Variants in ZDHHC7 observed in about 807,000 individuals in gnomAD.
ZDHHC7 encodes the protein zDHHC palmitoyltransferase 7.
In ZDHHC7, 12 loss-of-function variants were observed where a neutral mutation model predicts 34.1. That is an observed-to-expected ratio of 0.35 (90% CI 0.23 to 0.57). The LOEUF (loss-of-function observed/expected upper bound fraction) is 0.57, where lower values mean the gene tolerates loss of function less well. ZDHHC7 is among the 20% of genes least tolerant of loss of function. The probability of loss-of-function intolerance (pLI) is 0.84; values close to 1 mark genes in which losing one functional copy is unlikely to be tolerated. For synonymous variants in ZDHHC7, 185 were observed against 155.4 expected (o/e 1.19, Z -1.42); for missense variants, 388 against 402.7 (o/e 0.96, Z 0.31).
the ZDHHC7 span, among the ~76,000 whole-genome samples, chr16:85,024,254 CAG>C: frequency 8.2e-6 from 1 of 122,626 alleles, no homozygotes; most frequent in African/African-American, 3.1e-5. Flanking sequence ...TTTTTTGAGA[CAG>C]AGTCTTGCTC....
At chr16:84,976,555 C>T in intron 7 of ZDHHC7, 36 bp from the exon 8 acceptor site, 2 of 1,604,080 alleles carry the variant, frequency 1.2e-6, no homozygotes, top group South Asian at 1.1e-5. Context: ...GCAGCGGCTC[C>T]AGGAAGCTCG....
At chr16:84,997,917 AAT>A (rs1275805546) in intron 1 of ZDHHC7, among the ~76,000 whole-genome samples, 6 of 146,846 alleles carry the variant, frequency 4.1e-5, no homozygotes, top group African/African-American at 1.0e-4. Context: ...AAAAAAAAAA[AAT>A]AGAAATGTCC....
At chr16:84,996,602 A>G (rs1358147207) in intron 1 of ZDHHC7, among the ~76,000 whole-genome samples, 2 of 152,180 alleles carry the variant, frequency 1.3e-5, no homozygotes, top group African/African-American at 2.4e-5. Flanking sequence ...AAAGGTCTAA[A>G]GACTCTGCGA....
At chr16:85,013,298 A>G (rs2072817976), upstream of ZDHHC7, among the ~76,000 whole-genome samples, 1 of 152,154 alleles carries the variant, frequency 6.6e-6, no homozygotes, top group Non-Finnish European at 1.5e-5. Flanking sequence ...GCTGGAGTGC[A>G]GTGGTGCAAT....
intron 3 of ZDHHC7, among the ~76,000 whole-genome samples, chr16:84,985,856 G>A (rs369443994): frequency 6.7e-5 from 10 of 149,856 alleles, no homozygotes; most frequent in African/African-American, 2.0e-4. Flanking sequence ...TCAGAAAGCT[G>A]AGGTGACAGA....
chr16:85,000,968 C>A (rs1305674867), intron 1 of ZDHHC7, among the ~76,000 whole-genome samples: 1 of 152,136 alleles, frequency 6.6e-6, no homozygotes, highest in African/African-American at 2.4e-5. Context: ...GGGTGGGCCC[C>A]AGCAGACCAG....
At chr16:85,019,804 C>T in the ZDHHC7 span, among the ~76,000 whole-genome samples, 2 of 152,116 alleles carry the variant, frequency 1.3e-5, no homozygotes, top group South Asian at 4.1e-4. Flanking sequence ...ATGATTGGTC[C>T]CTTTTCTAGA....
the ZDHHC7 span, among the ~76,000 whole-genome samples, chr16:85,021,801 GGGA>G: frequency 2.0e-5 from 3 of 151,512 alleles, no homozygotes; most frequent in East Asian, 1.9e-4. Context: ...AAGAGGGGAG[GGGA>G]GGAGGAGGAG....
At chr16:84,997,846 T>G (rs1597554456) in intron 1 of ZDHHC7, among the ~76,000 whole-genome samples, 1 of 125,062 alleles carries the variant, frequency 8.0e-6, no homozygotes. Context: ...TGGGCCGAGA[T>G]GGCGCCACTG....
rs766193826 is a variant in ZDHHC7, at chr16:84,979,210, T to C, written c.516A>G (p.Gln172=). The C allele has an allele frequency of 4.4e-6, 7 of 1,598,592 alleles. No individual in the cohort carries two copies. Among genetic ancestry groups the C allele is most frequent in the South Asian group, 1.2e-5 (1 of 86,792 alleles). ...TTACAGTGAAGAGCACAAAAAATCT[T>C]TGATTCTTTTCTCCTACACAATTGT... is the stretch of plus-strand genomic sequence containing the variant. The part of the protein sequence containing the change: ...WVNNCVGEKN[Q]RFFVLFTMYI... Residue 172 remains glutamine (Q), a synonymous_variant, in exon 5 of 8, where the codon CAA becomes CAG. Coordinates refer to ENST00000313732, the MANE Select transcript of ZDHHC7 (RefSeq NM_017740.3).
intron 3 of ZDHHC7, chr16:84,989,022 T>C (rs2072474263): frequency 1.3e-6 from 1 of 777,826 alleles, no homozygotes; most frequent in South Asian, 1.7e-5. Flanking sequence ...CACACAGGGA[T>C]CAGGAGCAGG....
intron 1 of ZDHHC7, among the ~76,000 whole-genome samples, chr16:85,001,910 G>C (rs1234255292): frequency 8.1e-6 from 1 of 122,854 alleles, no homozygotes; most frequent in Non-Finnish European, 1.7e-5. Flanking sequence ...AAGGAACCAG[G>C]ACTGAGGCAA....
chr16:84,988,700 G>T (rs1193692831), intron 3 of ZDHHC7: 3 of 1,434,992 alleles, frequency 2.1e-6, no homozygotes, highest in South Asian at 2.5e-5. Context: ...CAGCAAAGAG[G>T]AGCAAACTGC....
the ZDHHC7 span, among the ~76,000 whole-genome samples, chr16:85,025,534 C>T: frequency 6.6e-6 from 1 of 152,128 alleles, no homozygotes; most frequent in Non-Finnish European, 1.5e-5. Context: ...TCAAGCCTCC[C>T]GAGTAGCTGG....
chr16:85,016,757 T>A, the ZDHHC7 span, among the ~76,000 whole-genome samples: 322 of 147,868 alleles, frequency 2.2e-3, 1 homozygote, highest in African/African-American at 7.7e-3. Context: ...ACCACACCTG[T>A]CTCGTTAAAA....
rs2072301369 is a variant in ZDHHC7, at chr16:84,976,628, T to G, written c.751-109A>C. On this transcript the variant is annotated intron_variant, in intron 7 of 7. Coordinates refer to ENST00000313732, the MANE Select transcript of ZDHHC7 (RefSeq NM_017740.3). ...AGCACAGTGTGGGCTCGATGGAGGG[T>G]AGGTGAGTGAACTCTCCTTCCCAGC... is the stretch of plus-strand genomic sequence containing the variant. 5.7e-6 allele frequency: 8 copies of G among 1,406,208 alleles called. No homozygotes were observed. The South Asian group carries it at 9.1e-5, about 16-fold the overall frequency. The allele number at this position is 1,406,208 out of a possible 1,614,324, so 87.1% of individuals were successfully genotyped here.
chr16:84,999,672 T>A (rs2072628331), intron 1 of ZDHHC7, among the ~76,000 whole-genome samples: 1 of 152,166 alleles, frequency 6.6e-6, no homozygotes, highest in African/African-American at 2.4e-5. Flanking sequence ...CTCGTTTATT[T>A]AGAAAGAAAT....
chr16:84,987,941 G>T (rs921479472), intron 3 of ZDHHC7, among the ~76,000 whole-genome samples: 1 of 152,168 alleles, frequency 6.6e-6, no homozygotes, highest in Non-Finnish European at 1.5e-5. Context: ...AGGCCGAGGC[G>T]GGCAGATCAT....
chr16:85,021,796 G>C, the ZDHHC7 span, among the ~76,000 whole-genome samples: 132 of 152,026 alleles, frequency 8.7e-4, 1 homozygote, highest in East Asian at 9.3e-3. Context: ...GAGAGAAGAG[G>C]GGAGGGGAGG....
Sources: allele counts gnomAD v4.1 joint callset (sites outside exome capture counted in the v4.1 genomes callset), GRCh38; gene constraint gnomAD v4.1.1; transcripts MANE v1.5; gene names NCBI Gene and HGNC (gene_info 2026-07-23, HGNC 2026-07-21).